ACBD6: variants seen among roughly 807,000 people sequenced by gnomAD.
The protein encoded by ACBD6 is acyl-CoA binding domain containing 6, also known as acyl-CoA-binding domain-containing protein 6.
A neutral mutation model predicts 37.2 loss-of-function variants in ACBD6; 28 were observed. That is an observed-to-expected ratio of 0.75 (90% CI 0.56 to 1.03). ACBD6 has a LOEUF of 1.03. Ranked by LOEUF, ACBD6 falls within the 50% of genes least tolerant of loss-of-function variation. The pLI, the probability that ACBD6 is intolerant of heterozygous loss-of-function variation, is 0.00. For missense variants in ACBD6, 340 were observed against 337.4 expected, an observed-to-expected ratio of 1.01 and a Z score of -0.06; for synonymous variants, 113 against 126.8, an observed-to-expected ratio of 0.89 and a Z score of 0.73.
intron 1 of ACBD6, among the ~76,000 whole-genome samples, chr1:180,498,037 A>G (rs1201233675): frequency 6.6e-6 from 1 of 152,230 alleles, no homozygotes; most frequent in East Asian, 1.9e-4. Flanking sequence ...GGCATCTTTT[A>G]CCAACACATA....
intron 6 of ACBD6, among the ~76,000 whole-genome samples, chr1:180,332,414 T>C (rs562715803): frequency 9.9e-5 from 15 of 152,036 alleles, no homozygotes; most frequent in Non-Finnish European, 2.1e-4. Context: ...GGCAGGCAAG[T>C]GAGCAAAGCT....
intron 6 of ACBD6, among the ~76,000 whole-genome samples, chr1:180,395,446 G>A (rs1005444947): frequency 5.3e-5 from 8 of 152,102 alleles, no homozygotes; most frequent in African/African-American, 1.9e-4. Flanking sequence ...CATGATTTAT[G>A]GTAACACCAG....
intron 6 of ACBD6, among the ~76,000 whole-genome samples, chr1:180,371,809 T>C (rs1056255577): frequency 4.6e-5 from 7 of 152,124 alleles, no homozygotes; most frequent in African/African-American, 1.7e-4. Context: ...GACTAATCTG[T>C]CACAATTATT....
rs372686774 is a variant in ACBD6, at chr1:180,451,907, G to GA, written c.385-21646dup. 6.7e-3 allele frequency among the ~76,000 whole-genome samples: 1,013 copies of GA among 152,106 alleles called. 16 individuals are homozygous for GA. The highest frequency in any genetic ancestry group is 0.023 in the African/African-American group (967 of 41,528). ...CTCAATTTAAAAAGCAGAGAAAAAT[G>GA]AAAAAATGTGTTCAGTAAACTACAT... On this transcript the variant is annotated intron_variant, in intron 3 of 7. Transcript: ENST00000367595.
intron 3 of ACBD6, among the ~76,000 whole-genome samples, chr1:180,490,961 TAA>T (rs67650274): frequency 0.05 from 4,718 of 93,950 alleles, 174 homozygotes; most frequent in African/African-American, 0.16. Context: ...CTGTCTCATA[TAA>T]AAAAAAAAAA....
At chr1:180,390,456 T>C (rs565070991) in intron 6 of ACBD6, among the ~76,000 whole-genome samples, 65 of 152,106 alleles carry the variant, frequency 4.3e-4, no homozygotes, top group South Asian at 1.7e-3. Context: ...AGCTTTGTTC[T>C]TTTGGCTTAG....
intron 3 of ACBD6, among the ~76,000 whole-genome samples, chr1:180,445,601 T>G (rs1649442627): frequency 6.6e-6 from 1 of 152,022 alleles, no homozygotes; most frequent in Non-Finnish European, 1.5e-5. Flanking sequence ...TCATACAGAT[T>G]TCAAAAATAT....
chr1:180,443,841 T>C (rs1649379585), intron 3 of ACBD6, among the ~76,000 whole-genome samples: 1 of 150,802 alleles, frequency 6.6e-6, no homozygotes, highest in Non-Finnish European at 1.5e-5. Context: ...GTCAGGATGG[T>C]CTCGATCTCC....
At chr1:180,444,279 G>A (rs563140195) in intron 3 of ACBD6, among the ~76,000 whole-genome samples, 66 of 141,658 alleles carry the variant, frequency 4.7e-4, no homozygotes, top group African/African-American at 1.1e-3. Context: ...GTGAGATTCC[G>A]TCTCTCCAAA....
rs569045214 is a variant in ACBD6, at chr1:180,310,937, G to A, written c.694+3755C>T. Among the ~76,000 whole-genome samples the A allele has an allele frequency of 9.2e-5, 14 of 152,214 alleles. No homozygotes were observed. In the South Asian group the frequency reaches 1.7e-3, roughly 18 times the overall value. On this transcript the variant is annotated intron_variant, in intron 7 of 7. Transcript: ENST00000367595. ...GGAGACAATTCTTGAAGGGTCTCTC[G>A]TGTTTCTGCACGTCTTATGTACAAA...
At chr1:180,487,220 T>C (rs1204843209) in intron 3 of ACBD6, among the ~76,000 whole-genome samples, 1 of 152,148 alleles carries the variant, frequency 6.6e-6, no homozygotes, top group Non-Finnish European at 1.5e-5. Flanking sequence ...AATGTTAAAA[T>C]TGCTGATTTT....
At chr1:180,331,476 T>A (rs1165042122) in intron 6 of ACBD6, among the ~76,000 whole-genome samples, 1 of 152,222 alleles carries the variant, frequency 6.6e-6, no homozygotes, top group African/African-American at 2.4e-5. Flanking sequence ...TGAAATACTT[T>A]GGGGATATCA....
In ACBD6 at chr1:180,337,988, A is replaced by G. The variant is rs926666668; in HGVS notation, c.664-23266T>C. On this transcript the variant is annotated intron_variant, in intron 6 of 7. Coordinates refer to ENST00000367595, the MANE Select transcript of ACBD6 (RefSeq NM_032360.4). ...AAGGAGAACTACAAACCACTGCTCA[A>G]TCAAATAAAAGAGGATCCAAACAAA... 7.9e-4 allele frequency among the ~76,000 whole-genome samples: 121 copies of G among 152,344 alleles called. 1 individual carries two copies. Among genetic ancestry groups the G allele is most frequent in the African/African-American group, 2.8e-3 (117 of 41,586 alleles).
At chr1:180,406,683 T>C (rs1647643079) in intron 5 of ACBD6, among the ~76,000 whole-genome samples, 1 of 152,150 alleles carries the variant, frequency 6.6e-6, no homozygotes, top group Non-Finnish European at 1.5e-5. Flanking sequence ...ATAATTAAAT[T>C]TCTTTATGTG....
chr1:180,413,646 C>A (rs925530223), intron 4 of ACBD6, among the ~76,000 whole-genome samples, 175 bp from the exon 5 acceptor site: 3 of 151,982 alleles, frequency 2.0e-5, no homozygotes, highest in African/African-American at 7.2e-5. Context: ...CCTGAAAAGA[C>A]TAAAGTTCTT....
chr1:180,404,107 C>A (rs778167277), intron 5 of ACBD6, among the ~76,000 whole-genome samples: 1 of 151,908 alleles, frequency 6.6e-6, no homozygotes, highest in Non-Finnish European at 1.5e-5. Flanking sequence ...TGCAGCACCA[C>A]GCCTGACTAA....
rs1162720029 is a variant in ACBD6 at position 180,387,663 on chromosome 1, G to T, written c.663+9853C>A. ...GCTACCACCAGCCAGAGGATGTGTA[G>T]GCTTCCCTTTCAGCCTCCAAGCAAG... On this transcript the variant is annotated intron_variant, in intron 6 of 7. Transcript: ENST00000367595. 2.6e-5 allele frequency among the ~76,000 whole-genome samples: 4 copies of T among 152,214 alleles called. No homozygotes were observed. In the East Asian group the frequency reaches 7.7e-4, roughly 29 times the overall value.
chr1:180,287,620 C>T (rs1163095402), downstream of ACBD6, among the ~76,000 whole-genome samples: 4 of 120,168 alleles, frequency 3.3e-5, no homozygotes, highest in Non-Finnish European at 4.9e-5. Flanking sequence ...ACTGCTGCTA[C>T]ATATGACATG....
rs114271160 is a variant in ACBD6, at chr1:180,314,548, T to C, written c.694+144A>G. ...GTGTGAGCCCTCACGCCCGGCCTAA[T>C]ACATTTTTTTGAACAAAAAGTTATT... On this transcript the variant is annotated intron_variant, in intron 7 of 7. Transcript: ENST00000367595. The C allele has an allele frequency of 8.4e-4, 562 of 667,014 alleles. 4 individuals are homozygous for C. In the African/African-American group the frequency reaches 9.5e-3, roughly 11 times the overall value. 41.3% of individuals were successfully genotyped at this position (667,014 alleles called of 1,614,324 possible).
Sources: gnomAD v4.1 joint callset for allele counts (sites outside exome capture counted in the v4.1 genomes callset) on GRCh38, gnomAD v4.1.1 for gene constraint, MANE v1.5 for transcripts, NCBI Gene and HGNC (gene_info 2026-07-23, HGNC 2026-07-21) for gene names.